Variants in FEZ2 observed in about 807,000 individuals in gnomAD.
FEZ2 encodes the protein fasciculation and elongation protein zeta 2, also known as fasciculation and elongation protein zeta-2.
A neutral mutation model predicts 40.4 loss-of-function variants in FEZ2; 51 were observed. The ratio of observed to expected loss-of-function variants is 1.26; its 90% CI spans 1.01 to 1.59. FEZ2 has a LOEUF of 1.59. Among genes scored for constraint, FEZ2 ranks in the 40% most tolerant of loss-of-function variants. FEZ2 has a pLI of 0.00. For synonymous variants in FEZ2, 242 were observed against 172.0 expected (o/e 1.41, Z -3.18); for missense variants, 640 against 438.3 (o/e 1.46, Z -4.11).
At position 36,560,801 on chromosome 2, in the gene FEZ2, G is replaced by A. The variant is rs375995625; in HGVS notation, c.904-2288C>T. Reference sequence around the variant, plus strand: ...ACCGAGCACCTGTTTCTCTCCACCTGAATTTCCAAAGGTGTGGCGGAGGCC... The same window carrying A: ...ACCGAGCACCTGTTTCTCTCCACCTAAATTTCCAAAGGTGTGGCGGAGGCC... On this transcript the variant is annotated intron_variant, in intron 5 of 7. Coordinates refer to ENST00000405912, the MANE Select transcript of FEZ2 (RefSeq NM_005102.3). 25 of 1,607,586 alleles carry A rather than the reference G, an allele frequency of 1.6e-5. No individual in the cohort carries two copies. Among genetic ancestry groups the A allele is most frequent in the African/African-American group, 1.2e-4 (9 of 74,692 alleles).
chr2:36,571,372 G>A (rs1203697677), intron 5 of FEZ2, among the ~76,000 whole-genome samples: 2 of 152,150 alleles, frequency 1.3e-5, no homozygotes, highest in Non-Finnish European at 2.9e-5. Flanking sequence ...TCAAGAATGC[G>A]TATCAGAGCC....
chr2:36,581,490 G>A, intron 3 of FEZ2, 59 bp from the exon 4 acceptor site: 1 of 1,515,876 alleles, frequency 6.6e-7, no homozygotes, highest in Non-Finnish European at 9.1e-7. Flanking sequence ...GATCTATCTG[G>A]AACACAGTGC....
chr2:36,579,736 T>C (rs935246266), intron 4 of FEZ2, among the ~76,000 whole-genome samples: 2 of 152,324 alleles, frequency 1.3e-5, no homozygotes, highest in South Asian at 2.1e-4. Flanking sequence ...AGGCATTTTA[T>C]AGCAGTGCAA....
At chr2:36,586,398 G>A (rs936887314) in intron 2 of FEZ2, among the ~76,000 whole-genome samples, 1 of 152,198 alleles carries the variant, frequency 6.6e-6, no homozygotes, top group Non-Finnish European at 1.5e-5. Flanking sequence ...ACTTTGGGAG[G>A]CTGAGGCGGG....
chr2:36,588,655 T>C (rs1291927884), intron 2 of FEZ2, among the ~76,000 whole-genome samples: 1 of 152,168 alleles, frequency 6.6e-6, no homozygotes, highest in Non-Finnish European at 1.5e-5. Flanking sequence ...TAATACAAGG[T>C]AAATGGTTTA....
intron 2 of FEZ2, among the ~76,000 whole-genome samples, chr2:36,587,539 C>G (rs1054248341): frequency 6.6e-6 from 1 of 152,160 alleles, no homozygotes; most frequent in South Asian, 2.1e-4. Flanking sequence ...AAAGACATAT[C>G]AAATTTAGAA....
At chr2:36,587,032 G>T (rs1212454273) in intron 2 of FEZ2, among the ~76,000 whole-genome samples, 1 of 152,286 alleles carries the variant, frequency 6.6e-6, no homozygotes, top group Non-Finnish European at 1.5e-5. Context: ...GCATACAAAA[G>T]TCCCTGTCCT....
rs776127152 is a variant in FEZ2, at chr2:36,578,863, C to G, written c.637G>C (p.Val213Leu). The G allele has an allele frequency of 4.4e-6, 7 of 1,601,986 alleles. No individual in the cohort carries two copies. The highest frequency in any genetic ancestry group is 6.0e-6 in the Non-Finnish European group (7 of 1,175,750). The change falls in exon 5 of 8, where the codon GTG becomes CTG. Residue 213 changes from valine to leucine, a missense_variant and splice_region_variant. Coordinates refer to ENST00000405912, the MANE Select transcript of FEZ2 (RefSeq NM_005102.3). ...AACTCAGACACTGAGAGCCTTTTCA[C>G]TCCTGTGACCAAAAGCAAAATACAG... ...RSSTGSYEER[V>L]KRLSVSELNE...
intron 5 of FEZ2, among the ~76,000 whole-genome samples, chr2:36,572,780 T>C (rs1174185349): frequency 1.3e-5 from 2 of 152,192 alleles, no homozygotes; most frequent in African/African-American, 2.4e-5. Flanking sequence ...GCCAGGTCCA[T>C]GTTGTTTTAA....
intron 1 of FEZ2, among the ~76,000 whole-genome samples, chr2:36,597,653 G>A (rs1286475148): frequency 6.6e-6 from 1 of 152,218 alleles, no homozygotes; most frequent in Non-Finnish European, 1.5e-5. Context: ...AGGAGGGCGG[G>A]AGGTACCGAG....
chr2:36,557,845 AT>A (rs984449541), intron 6 of FEZ2: 29 of 150,046 alleles, frequency 1.9e-4, no homozygotes, highest in African/African-American at 4.9e-4. Context: ...AAATCTAACA[AT>A]TTTTTTTTTA....
At chr2:36,575,978 A>G (rs1281509752) in intron 5 of FEZ2, among the ~76,000 whole-genome samples, 1 of 152,246 alleles carries the variant, frequency 6.6e-6, no homozygotes. Flanking sequence ...GGAGAAAAAA[A>G]AAAGTGACTT....
intron 5 of FEZ2, 69 bp downstream of exon 5, chr2:36,578,527 AG>A (rs1444878155): frequency 1.3e-6 from 2 of 1,512,988 alleles, no homozygotes; most frequent in African/African-American, 2.8e-5. Context: ...ACCTGCCACC[AG>A]CCCCAAAGGC....
chr2:36,589,487 C>T (rs1669004380), intron 2 of FEZ2, among the ~76,000 whole-genome samples: 1 of 152,178 alleles, frequency 6.6e-6, no homozygotes, highest in African/African-American at 2.4e-5. Context: ...AAGCCCCTTC[C>T]AACTCTAAAA....
At chr2:36,555,933 G>GTA (rs751260622) in intron 6 of FEZ2, 185 bp from the exon 7 acceptor site, 1 of 678,544 alleles carries the variant, frequency 1.5e-6, no homozygotes, top group East Asian at 2.9e-5. Context: ...TTTTAGTGGA[G>GTA]TAAGTCCACA....
rs781202356 is a variant in FEZ2, at chr2:36,581,305, C to A, written c.619G>T (p.Gly207Cys). Residue 207 changes from glycine to cysteine, a missense_variant, in exon 4 of 8, where the codon GGC (glycine) becomes TGC (cysteine). Coordinates refer to ENST00000405912, the MANE Select transcript of FEZ2 (RefSeq NM_005102.3). Reference sequence around the variant, plus strand: ...GCTCCCTTACTCTCTTCATAACTGCCGGTACTAGACCTCTTGAGAGTTTGA... The same window carrying A: ...GCTCCCTTACTCTCTTCATAACTGCAGGTACTAGACCTCTTGAGAGTTTGA... Reference protein sequence around the residue: ...EIQTLKRSSTGSYEERVKRLS... With the variant: ...EIQTLKRSSTCSYEERVKRLS... 1 of 1,613,724 alleles carries A rather than the reference C, an allele frequency of 6.2e-7. No homozygotes were observed. The highest frequency in any genetic ancestry group is 8.5e-7 in the Non-Finnish European group (1 of 1,179,704).
intron 5 of FEZ2, among the ~76,000 whole-genome samples, chr2:36,572,685 A>T (rs1668451103): frequency 6.6e-6 from 1 of 152,210 alleles, no homozygotes; most frequent in African/African-American, 2.4e-5. Flanking sequence ...CTTGGACAGT[A>T]GTCTGCCTTG....
Position 36,569,554 on chromosome 2 carries a change from T to C in FEZ2, c.903+9043A>G, listed in dbSNP as rs188849774. Among the ~76,000 whole-genome samples the C allele has an allele frequency of 2.6e-5, 4 of 152,354 alleles. 1 individual carries two copies. Among genetic ancestry groups the C allele is most frequent in the Admixed American group, 1.3e-4 (2 of 15,300 alleles). On this transcript the variant is annotated intron_variant, in intron 5 of 7. Transcript: ENST00000405912. Reference sequence around the variant, plus strand: ...AAAAGAAAAGAGCTAGAGAACACTATGCTACATAAAAGTGAACAAGAATCA... The same window carrying C: ...AAAAGAAAAGAGCTAGAGAACACTACGCTACATAAAAGTGAACAAGAATCA...
At chr2:36,579,507 A>G (rs554883435) in intron 4 of FEZ2, among the ~76,000 whole-genome samples, 3 of 152,166 alleles carry the variant, frequency 2.0e-5, no homozygotes, top group African/African-American at 7.2e-5. Flanking sequence ...TTCTCATGAC[A>G]GAGTTCTTAT....
Sources: allele counts gnomAD v4.1 joint callset (sites outside exome capture counted in the v4.1 genomes callset), GRCh38; gene constraint gnomAD v4.1.1; transcripts MANE v1.5; gene names NCBI Gene and HGNC (gene_info 2026-07-23, HGNC 2026-07-21).